The following DGKQ variants were observed in gnomAD, a reference collection of about 807,000 sequenced individuals.
DGKQ encodes diacylglycerol kinase theta.
DGKQ carries 97 observed loss-of-function variants against 104.2 expected under a neutral mutation model. That is an observed-to-expected ratio of 0.93 (90% CI 0.79 to 1.10). The LOEUF is 1.10. Among genes scored for constraint, DGKQ ranks in the 50% least tolerant of loss-of-function variants. The probability of loss-of-function intolerance (pLI) is 0.00; values close to 1 mark genes in which losing one functional copy is unlikely to be tolerated. For missense variants in DGKQ, 1,465 were observed against 1,352.1 expected (o/e 1.08, Z -1.31); for synonymous variants, 736 against 595.2 (o/e 1.24, Z -3.44).
intron 15 of DGKQ, among the ~76,000 whole-genome samples, chr4:964,430 G>C (rs533385211): frequency 6.6e-6 from 1 of 152,306 alleles, no homozygotes; most frequent in Admixed American, 6.5e-5. Flanking sequence ...AGAGGCCAAT[G>C]TGAAGGCACG....
At chr4:972,660 G>GCTC (rs1713027064) in intron 1 of DGKQ, among the ~76,000 whole-genome samples, 1 of 144,238 alleles carries the variant, frequency 6.9e-6, no homozygotes, top group African/African-American at 2.5e-5. Flanking sequence ...CCCGGGGCCC[G>GCTC]CCTGCTTGCC....
Position 966,505 on chromosome 4 carries a change from G to T in DGKQ, c.1389C>A (p.Asp463Glu), listed in dbSNP as rs369640675. The T allele has an allele frequency of 7.9e-5, 127 of 1,612,512 alleles. No individual in the cohort carries two copies. Among genetic ancestry groups the T allele is most frequent in the Non-Finnish European group, 9.7e-5 (115 of 1,179,688 alleles). ...GTAGCCGGTCCAGCAGGGGCTGTTC[G>T]TCCATCAGCATCGTCCGCTGGACTG... ...CRHVQRTMLMDEQPLLDRLQD... is the reference protein window; with the variant it reads ...CRHVQRTMLMEEQPLLDRLQD... The change falls in exon 12 of 23, where the codon GAC becomes GAA. Residue 463 changes from aspartate (D) to glutamate (E), a missense_variant. Transcript: ENST00000273814.
chr4:966,621 G>A, intron 11 of DGKQ, 94 bp from the exon 12 acceptor site: 2 of 1,511,244 alleles, frequency 1.3e-6, no homozygotes, highest in African/African-American at 1.4e-5. Flanking sequence ...GGGATGCAGG[G>A]TGGAGCTGGT....
intron 22 of DGKQ, 134 bp downstream of exon 22, chr4:960,915 G>A: frequency 6.7e-7 from 1 of 1,499,456 alleles, no homozygotes; most frequent in Non-Finnish European, 8.9e-7. Context: ...CTCCTCTGAA[G>A]CAGGCACCCT....
Position 961,692 on chromosome 4 carries a change from G to T in DGKQ, c.2458C>A (p.Pro820Thr), listed in dbSNP as rs771828670. 2 of 1,612,562 alleles carry T rather than the reference G, an allele frequency of 1.2e-6. No homozygotes were observed. Among genetic ancestry groups the T allele is most frequent in the South Asian group, 2.2e-5 (2 of 91,084 alleles). Residue 820 changes from proline to threonine, a missense_variant, in exon 20 of 23, where the codon CCC becomes ACC. Transcript: ENST00000273814. ...GGGAGCCCCGCCCGCGAGCACCTGG[G>T]GATGTTGATGAAGATGAGGCCTTCA... The part of the protein sequence containing the change: ...SIEGLIFINI[P>T]SWGSGADLWG...
intron 9 of DGKQ, 27 bp from the exon 10 acceptor site, chr4:967,081 C>A: frequency 6.5e-7 from 1 of 1,543,706 alleles, no homozygotes; most frequent in Non-Finnish European, 8.8e-7. Context: ...TGAGCTGGAG[C>A]TCCCCCCACC....
intron 20 of DGKQ, 39 bp from the exon 21 acceptor site, chr4:961,617 G>A (rs757664814): frequency 1.9e-6 from 3 of 1,610,140 alleles, no homozygotes; most frequent in Non-Finnish European, 2.5e-6. Flanking sequence ...TGTAGGTGCA[G>A]GCAGGACGAG....
Position 967,062 on chromosome 4 carries a change from G to C in DGKQ, c.1221-8C>G, listed in dbSNP as rs1560516250. The C allele has an allele frequency of 1.3e-6, 2 of 1,550,272 alleles. No homozygotes were observed. The highest frequency in any genetic ancestry group is 2.7e-5 in the African/African-American group (2 of 73,446). ...ACGTAGGCCACGCCCACCCTGTGGG[G>C]ACACAGTCTGAGCTGGAGCTCCCCC... On this transcript the variant is annotated splice_region_variant and splice_polypyrimidine_tract_variant and intron_variant, in intron 9 of 22. Coordinates refer to ENST00000273814, the MANE Select transcript of DGKQ (RefSeq NM_001347.4).
intron 8 of DGKQ, 63 bp from the exon 9 acceptor site, chr4:967,424 A>AGCCGGCACAGCTCCAGGTGGCCAG: frequency 1.5e-6 from 1 of 646,584 alleles, no homozygotes; most frequent in Non-Finnish European, 2.2e-6. Flanking sequence ...AGTGGGGGGC[A>AGCCGGCACAGCTCCAGGTGGCCAG]GGTCATGGAG....
Position 962,551 on chromosome 4 carries a change from C to G in DGKQ, c.2098G>C (p.Val700Leu), listed in dbSNP as rs199654101. 1.3e-4 allele frequency: 216 copies of G among 1,610,218 alleles called. No homozygotes were observed. Among genetic ancestry groups the G allele is most frequent in the Non-Finnish European group, 1.0e-5 (12 of 1,179,942 alleles). The stretch of plus-strand genomic sequence containing the variant: ...TCGGCCTCGTCCACAGACAGCAGTA[C>G]GGAGAACGGGTCCTCGCCGCTGTAG... ...AGYSGEDPFS[V>L]LLSVDEADAV... The change falls in exon 18 of 23, where the codon GTA becomes CTA. Residue 700 changes from valine (V) to leucine (L), a missense_variant. Transcript: ENST00000273814.
At chr4:973,016 A>C (rs1319750329) in intron 1 of DGKQ, among the ~76,000 whole-genome samples, 196 bp downstream of exon 1, 1 of 152,100 alleles carries the variant, frequency 6.6e-6, no homozygotes, top group Non-Finnish European at 1.5e-5. Flanking sequence ...CGCACCTCCC[A>C]GGTGAGGAAG....
rs758899721 is a variant in DGKQ at position 968,814 on chromosome 4, C to T, written c.448G>A (p.Glu150Lys). The T allele has an allele frequency of 3.3e-5, 53 of 1,609,272 alleles. No individual in the cohort carries two copies. The highest frequency in any genetic ancestry group is 5.3e-5 in the African/African-American group (4 of 74,872). Residue 150 changes from glutamate to lysine, a missense_variant, in exon 3 of 23, where the codon GAA becomes AAA. Coordinates refer to ENST00000273814, the MANE Select transcript of DGKQ (RefSeq NM_001347.4). The stretch of plus-strand genomic sequence containing the variant: ...GAGCCAGGCAGGCTCCAGGTACCTT[C>T]GCAGTGGAGCGCCGGTGCCTCCAGG... Reference protein sequence around the residue: ...KVLEAPALHCEVCELHLHPDC... With the variant: ...KVLEAPALHCKVCELHLHPDC...
chr4:973,162 G>C (rs531455260), intron 1 of DGKQ, 50 bp downstream of exon 1: 90 of 1,449,610 alleles, frequency 6.2e-5, no homozygotes, highest in South Asian at 1.1e-4. Flanking sequence ...TCCCGCCCAC[G>C]GGGCAGAGGC....
chr4:961,682 G>C lies in DGKQ; in HGVS notation c.2462+6C>G, dbSNP rs749190234. 4 of 1,612,322 alleles carry C rather than the reference G, an allele frequency of 2.5e-6. No individual in the cohort carries two copies. ...AGAGCCTCTGGGGAGCCCCGCCCGC[G>C]AGCACCTGGGGATGTTGATGAAGAT... On this transcript the variant is annotated splice_donor_region_variant and intron_variant, in intron 20 of 22. Transcript: ENST00000273814.
rs1047459926 is a variant in DGKQ, at chr4:962,684, C to T, written c.2036-71G>A. The T allele has an allele frequency of 1.5e-5, 24 of 1,588,874 alleles. No homozygotes were observed. In the Admixed American group the frequency reaches 3.2e-4, roughly 21 times the overall value. ...CATCAGCTGGGTGCAGACCCCACCACGAGGACAGCCAGCCCAGGCCTCGGC... is the reference window on the plus strand; with the variant it reads ...CATCAGCTGGGTGCAGACCCCACCATGAGGACAGCCAGCCCAGGCCTCGGC... On this transcript the variant is annotated intron_variant, in intron 17 of 22. Transcript: ENST00000273814.
At position 958,992 on chromosome 4, in the gene DGKQ, T is replaced by C. The variant is rs1316776307; in HGVS notation, c.*1628A>G. 1.2e-5 allele frequency: 2 copies of C among 160,078 alleles called. No homozygotes were observed. The highest frequency in any genetic ancestry group is 2.7e-5 in the Non-Finnish European group (2 of 73,548). 9.9% of individuals were successfully genotyped at this position (160,078 alleles called of 1,614,324 possible). A position where few individuals can be genotyped will look rare whatever the true frequency, so the allele number is the denominator to read the frequency against. The stretch of plus-strand genomic sequence containing the variant: ...CGGTGTGCAGGGCACAGACCCCACC[T>C]GGGTACAGACTCACATACAGGACAA... On this transcript the variant is annotated 3_prime_UTR_variant, in exon 23 of 23. Coordinates refer to ENST00000273814, the MANE Select transcript of DGKQ (RefSeq NM_001347.4).
intron 2 of DGKQ, among the ~76,000 whole-genome samples, chr4:970,618 C>G (rs972223523): frequency 6.6e-6 from 1 of 152,202 alleles, no homozygotes. Flanking sequence ...AGTGTGTGAT[C>G]TTGCAAACTG....
At position 968,328 on chromosome 4, in the gene DGKQ, G is replaced by A; in HGVS notation, c.617C>T (p.Ser206Phe). Residue 206 changes from serine (S) to phenylalanine (F), a missense_variant, in exon 5 of 23, where the codon TCC (serine) becomes TTC (phenylalanine). Ser to Phe is a radical substitution (Grantham distance 155). Transcript: ENST00000273814. Reference protein sequence around the residue: ...RCEVCRKTCGSSDVLAGVRCE... With the variant: ...RCEVCRKTCGFSDVLAGVRCE... ...GCGCACGCCGGCCAGCACGTCAGAG[G>A]AGCCGCACGTCTTCCTGCAGACCTC... 7.5e-7 allele frequency: 1 copy of A among 1,335,280 alleles called. No individual in the cohort carries two copies. The highest frequency in any genetic ancestry group is 9.7e-7 in the Non-Finnish European group (1 of 1,031,162). The allele number at this position is 1,335,280 out of a possible 1,614,324, so 82.7% of individuals were successfully genotyped here.
intron 11 of DGKQ, 76 bp downstream of exon 11, chr4:966,672 G>A: frequency 6.5e-7 from 1 of 1,529,662 alleles, no homozygotes; most frequent in Non-Finnish European, 8.9e-7. Flanking sequence ...GCACCACCCT[G>A]CAGGAAAGCC....
Sources: allele counts gnomAD v4.1 joint callset (sites outside exome capture counted in the v4.1 genomes callset), GRCh38; gene constraint gnomAD v4.1.1; transcripts MANE v1.5; gene names NCBI Gene and HGNC (gene_info 2026-07-23, HGNC 2026-07-21).